SHANK2: variants seen among roughly 807,000 people sequenced by gnomAD.
The protein encoded by SHANK2 is SH3 and multiple ankyrin repeat domains 2, also known as SH3 and multiple ankyrin repeat domains protein 2.
Under a neutral mutation model 133.7 loss-of-function variants are expected in SHANK2, and 43 were observed. The ratio of observed to expected loss-of-function variants is 0.32; its 90% CI spans 0.25 to 0.41. SHANK2 has a LOEUF of 0.41. SHANK2 is among the 10% of genes least tolerant of loss of function. SHANK2 has a pLI of 1.00. For missense variants in SHANK2, 1,994 were observed against 2,235.8 expected (o/e 0.89, Z 2.18); for synonymous variants, 1,017 against 952.8 (o/e 1.07, Z -1.24).
chr11:70,667,265 C>G (rs1247275200), intron 15 of SHANK2, among the ~76,000 whole-genome samples: 4 of 152,180 alleles, frequency 2.6e-5, no homozygotes, highest in Non-Finnish European at 5.9e-5. Context: ...ACAACTACCT[C>G]CATGTTGATG....
At chr11:70,619,687 C>A (rs1449586515) in intron 17 of SHANK2, among the ~76,000 whole-genome samples, 3 of 152,078 alleles carry the variant, frequency 2.0e-5, no homozygotes, top group Non-Finnish European at 4.4e-5. Context: ...TGCCCAGGGA[C>A]CCTTCCAGGC....
chr11:70,899,069 G>T (rs533231264), intron 10 of SHANK2, among the ~76,000 whole-genome samples: 2 of 152,218 alleles, frequency 1.3e-5, no homozygotes, highest in African/African-American at 4.8e-5. Context: ...GGTTTCAACA[G>T]TTAGATGGTC....
At chr11:70,653,009 G>C (rs1193874273) in intron 17 of SHANK2, among the ~76,000 whole-genome samples, 1 of 152,006 alleles carries the variant, frequency 6.6e-6, no homozygotes. Context: ...GTCTCGCTCT[G>C]TCACCCAGGC....
At chr11:71,184,632 G>A (rs1208544980) in intron 2 of SHANK2, among the ~76,000 whole-genome samples, 9 of 152,156 alleles carry the variant, frequency 5.9e-5, no homozygotes, top group Non-Finnish European at 1.0e-4. Flanking sequence ...TCCTCCTGAT[G>A]AACTTGGTTA....
At chr11:70,690,121 T>C (rs1221867577) in intron 15 of SHANK2, among the ~76,000 whole-genome samples, 3 of 152,188 alleles carry the variant, frequency 2.0e-5, no homozygotes, top group Non-Finnish European at 4.4e-5. Flanking sequence ...TGCAGGATGA[T>C]CGTCGTGTAC....
intron 17 of SHANK2, among the ~76,000 whole-genome samples, chr11:70,520,574 C>T (rs1039478237): frequency 6.6e-6 from 1 of 152,214 alleles, no homozygotes; most frequent in Non-Finnish European, 1.5e-5. Context: ...GGAGGGCTCA[C>T]TGGGCTCCCC....
At chr11:70,809,190 T>C (rs1948229109) in intron 12 of SHANK2, among the ~76,000 whole-genome samples, 1 of 152,204 alleles carries the variant, frequency 6.6e-6, no homozygotes, top group Non-Finnish European at 1.5e-5. Context: ...ACAGGGAAAG[T>C]GTCCACCTGC....
chr11:70,795,939 C>T (rs1255750860), intron 14 of SHANK2, among the ~76,000 whole-genome samples: 1 of 152,200 alleles, frequency 6.6e-6, no homozygotes, highest in Non-Finnish European at 1.5e-5. Context: ...CCCGCATCAG[C>T]CCAGGTAGAA....
At chr11:70,927,444 C>T (rs949872307) in intron 10 of SHANK2, among the ~76,000 whole-genome samples, 4 of 151,944 alleles carry the variant, frequency 2.6e-5, no homozygotes, top group Non-Finnish European at 2.9e-5. Context: ...ATGTGACCAG[C>T]GAATCTAGGC....
At position 70,830,289 on chromosome 11, in the gene SHANK2, C is replaced by T. The variant is rs1249716223; in HGVS notation, c.1175-9607G>A. Among the ~76,000 whole-genome samples, 1 of 152,210 alleles carries T rather than the reference C, an allele frequency of 6.6e-6. No individual in the cohort carries two copies. Among genetic ancestry groups the T allele is most frequent in the Non-Finnish European group, 1.5e-5 (1 of 68,044 alleles). ...GAGCATGTCCGTGGCCTGAAGCCTG[C>T]CCTGCCTGCCTGGCTGGGAGGGAAG... is the stretch of plus-strand genomic sequence containing the variant. On this transcript the variant is annotated intron_variant, in intron 11 of 25. Coordinates refer to ENST00000601538, the MANE Select transcript of SHANK2 (RefSeq NM_012309.5). The surrounding 1 kb of genome is among the most constrained non-coding windows in gnomAD (Gnocchi z 4.4).
intron 2 of SHANK2, among the ~76,000 whole-genome samples, chr11:71,184,203 T>C (rs1178851691): frequency 3.9e-5 from 6 of 152,118 alleles, no homozygotes; most frequent in African/African-American, 1.4e-4. Flanking sequence ...ATCTGATCCA[T>C]GGAGGGAGGC....
At chr11:70,694,823 A>G (rs1945357403) in intron 15 of SHANK2, among the ~76,000 whole-genome samples, 1 of 151,926 alleles carries the variant, frequency 6.6e-6, no homozygotes. Context: ...CCCTCCTTCC[A>G]TGCTGCCTGC....
intron 10 of SHANK2, chr11:70,943,027 C>T (rs1555084662): frequency 6.6e-6 from 3 of 455,604 alleles, no homozygotes; most frequent in Middle Eastern, 3.2e-4. Context: ...AGAAAAGGTA[C>T]CCAGCAAGTA....
intron 19 of SHANK2, 37 bp from the exon 20 acceptor site, chr11:70,501,968 T>C: frequency 6.4e-7 from 1 of 1,552,226 alleles, no homozygotes. Flanking sequence ...CAAAACAATG[T>C]TAGATAAACA....
At chr11:70,672,479 T>G (rs1326213551) in intron 15 of SHANK2, among the ~76,000 whole-genome samples, 1 of 152,200 alleles carries the variant, frequency 6.6e-6, no homozygotes, top group African/African-American at 2.4e-5. Flanking sequence ...GCTGCCATCC[T>G]CTCTTCCTCC....
chr11:71,107,229 G>A (rs961152975), intron 6 of SHANK2, among the ~76,000 whole-genome samples: 1 of 152,224 alleles, frequency 6.6e-6, no homozygotes, highest in African/African-American at 2.4e-5. Flanking sequence ...ACGCAGGGAA[G>A]TGTCCCGTAA....
At chr11:70,806,408 T>C (rs1555051869) in intron 13 of SHANK2, among the ~76,000 whole-genome samples, 2 of 152,196 alleles carry the variant, frequency 1.3e-5, no homozygotes, top group African/African-American at 4.8e-5. Context: ...CTTCCTGCAG[T>C]GCTTCACACA....
chr11:70,631,323 G>C (rs1327155288), intron 17 of SHANK2: 2 of 152,482 alleles, frequency 1.3e-5, no homozygotes, highest in African/African-American at 4.8e-5. Context: ...CATTTAGCTA[G>C]AATCTGGGAG....
intron 17 of SHANK2, among the ~76,000 whole-genome samples, chr11:70,538,292 G>C (rs1378010979): frequency 5.9e-5 from 9 of 152,222 alleles, no homozygotes; most frequent in African/African-American, 1.9e-4. Context: ...CCTTCCCCCA[G>C]AATTAGCCGA....
Sources: allele counts gnomAD v4.1 joint callset (sites outside exome capture counted in the v4.1 genomes callset), GRCh38; gene constraint gnomAD v4.1.1; non-coding constraint Gnocchi (gnomAD v3.1); transcripts MANE v1.5; gene names NCBI Gene and HGNC (gene_info 2026-07-23, HGNC 2026-07-21).